Variants in VWA8 observed in about 807,000 individuals in gnomAD.
The protein encoded by VWA8 is von Willebrand factor A domain containing 8, also known as von Willebrand factor A domain-containing protein 8.
VWA8 carries 221 observed loss-of-function variants against 241.5 expected under a neutral mutation model. The observed-to-expected ratio is 0.91, with a 90% CI of 0.82 to 1.02. The LOEUF (loss-of-function observed/expected upper bound fraction) is 1.02. Among genes scored for constraint, VWA8 ranks in the 50% least tolerant of loss-of-function variants. VWA8 has a pLI of 0.00. For missense variants in VWA8, 2,322 were observed against 2,328.7 expected, an observed-to-expected ratio of 1.00 and a Z score of 0.06; for synonymous variants, 852 against 827.1, an observed-to-expected ratio of 1.03 and a Z score of -0.52.
intron 43 of VWA8, among the ~76,000 whole-genome samples, chr13:41,571,225 C>T (rs574770395): frequency 6.6e-5 from 10 of 151,984 alleles, no homozygotes; most frequent in African/African-American, 9.7e-5. Flanking sequence ...ACTCTAAAAG[C>T]GGTCATTCTG....
At chr13:41,645,126 C>A (rs2044822446) in intron 37 of VWA8, among the ~76,000 whole-genome samples, 1 of 152,178 alleles carries the variant, frequency 6.6e-6, no homozygotes, top group African/African-American at 2.4e-5. Flanking sequence ...GTAATGGCAC[C>A]TACCTCATAG....
In VWA8 at chr13:41,811,298, G is replaced by T. The variant is rs757480126; in HGVS notation, c.1990C>A (p.Arg664=). 2.5e-6 allele frequency: 4 copies of T among 1,610,564 alleles called. No homozygotes were observed. The highest frequency in any genetic ancestry group is 3.4e-6 in the Non-Finnish European group (4 of 1,177,530). ...TACTGTGACAGCCGACGAGAAATTC[G>T]CAACAGTTGTCTGGTAGAAAGTGAT... ...AASLSTRQLL[R]ISRRLSQYPN... The change falls in exon 17 of 45, where the codon CGA becomes AGA. Residue 664 remains arginine (R), a synonymous_variant. Transcript: ENST00000379310.
intron 4 of VWA8, among the ~76,000 whole-genome samples, chr13:41,896,142 T>A (rs1180026141): frequency 1.3e-5 from 2 of 152,052 alleles, no homozygotes; most frequent in Non-Finnish European, 2.9e-5. Context: ...AACAAGAAAC[T>A]CTTGTAAATG....
At chr13:41,570,437 GC>G in intron 44 of VWA8, 30 bp downstream of exon 44, 1 of 1,583,050 alleles carries the variant, frequency 6.3e-7, no homozygotes, top group Non-Finnish European at 8.7e-7. Context: ...CTCTGTACCT[GC>G]CCTTTTCTGT....
At chr13:41,881,980 G>A (rs1403424346) in intron 9 of VWA8, among the ~76,000 whole-genome samples, 1 of 151,242 alleles carries the variant, frequency 6.6e-6, no homozygotes, top group African/African-American at 2.4e-5. Context: ...GGTGACTGCC[G>A]GGACGGAGGG....
intron 37 of VWA8, among the ~76,000 whole-genome samples, chr13:41,626,321 A>T (rs1289717383): frequency 6.6e-6 from 1 of 152,296 alleles, no homozygotes; most frequent in East Asian, 1.9e-4. Flanking sequence ...AAGACTCAAC[A>T]TTGTTAAAAT....
intron 21 of VWA8, among the ~76,000 whole-genome samples, chr13:41,755,577 A>G (rs571392677): frequency 6.6e-6 from 1 of 152,138 alleles, no homozygotes; most frequent in African/African-American, 2.4e-5. Flanking sequence ...GAATTACTAT[A>G]GAATATAAAT....
chr13:41,734,818 CA>C (rs2045512756), intron 21 of VWA8, among the ~76,000 whole-genome samples: 1 of 152,078 alleles, frequency 6.6e-6, no homozygotes, highest in Non-Finnish European at 1.5e-5. Context: ...CTCTAAAAAA[CA>C]AATTAAATTG....
chr13:41,868,132 A>G (rs1221021198), intron 10 of VWA8, among the ~76,000 whole-genome samples: 1 of 152,156 alleles, frequency 6.6e-6, no homozygotes, highest in Non-Finnish European at 1.5e-5. Context: ...CCACAGGTCA[A>G]CTTTGAATTT....
chr13:41,938,633 AGAGT>A (rs1271880829), intron 2 of VWA8, among the ~76,000 whole-genome samples: 1 of 151,618 alleles, frequency 6.6e-6, no homozygotes, highest in Non-Finnish European at 1.5e-5. Flanking sequence ...CCTGAGTGAC[AGAGT>A]GAGACTGCGT....
intron 21 of VWA8, among the ~76,000 whole-genome samples, chr13:41,749,913 T>C (rs929353079): frequency 5.9e-5 from 9 of 151,532 alleles, no homozygotes; most frequent in Non-Finnish European, 1.2e-4. Context: ...TTAGGAGATA[T>C]ACCTAATGTA....
intron 17 of VWA8, among the ~76,000 whole-genome samples, chr13:41,793,819 AAAAT>A (rs941315361): frequency 3.9e-5 from 6 of 152,240 alleles, no homozygotes; most frequent in African/African-American, 1.2e-4. Flanking sequence ...CATCTCAAAA[AAAAT>A]AAATAAATAA....
At chr13:41,590,827 T>A (rs2139647459) in intron 40 of VWA8, 62 bp from the exon 41 acceptor site, 1 of 1,584,960 alleles carries the variant, frequency 6.3e-7, no homozygotes, top group South Asian at 1.1e-5. Flanking sequence ...TCTGACATAC[T>A]TTGTGCATGA....
chr13:41,571,638 G>A (rs1174647488), intron 43 of VWA8, among the ~76,000 whole-genome samples: 1 of 152,202 alleles, frequency 6.6e-6, no homozygotes, highest in African/African-American at 2.4e-5. Flanking sequence ...ACGGAGTCTC[G>A]CTCACTCAGT....
rs199938365 is a variant in VWA8 at position 41,909,054 on chromosome 13, ATTT to A, written c.373-1361_373-1359del. Among the ~76,000 whole-genome samples the A allele has an allele frequency of 1.9e-3, 274 of 143,342 alleles. 2 individuals are homozygous for A. Among genetic ancestry groups the A allele is most frequent in the African/African-American group, 6.2e-3 (241 of 39,172 alleles). 94.0% of individuals were successfully genotyped at this position (143,342 alleles called of 152,430 possible). ...TTTATGTACGTAAAGGAGGAAAAAA[ATTT>A]TTTTTTTTTTTTTTTGAGATAGTCT... is the stretch of plus-strand genomic sequence containing the variant. On this transcript the variant is annotated intron_variant, in intron 3 of 44. Coordinates refer to ENST00000379310, the MANE Select transcript of VWA8 (RefSeq NM_015058.2).
chr13:41,832,429 T>C (rs1871513100), intron 13 of VWA8, among the ~76,000 whole-genome samples: 1 of 152,178 alleles, frequency 6.6e-6, no homozygotes, highest in Non-Finnish European at 1.5e-5. Context: ...GAGAAAAAAA[T>C]ATTGTAAATC....
chr13:41,946,664 A>G (rs530524951), intron 2 of VWA8, among the ~76,000 whole-genome samples: 1 of 151,982 alleles, frequency 6.6e-6, no homozygotes, highest in Non-Finnish European at 1.5e-5. Flanking sequence ...AAAAAAAAAA[A>G]AAGAGTAGTA....
At chr13:41,634,909 A>T (rs1049383146) in intron 37 of VWA8, among the ~76,000 whole-genome samples, 2 of 152,146 alleles carry the variant, frequency 1.3e-5, no homozygotes, top group African/African-American at 4.8e-5. Context: ...AAGTTAAGAA[A>T]ATTTTTTTGA....
At chr13:41,633,927 A>T (rs1353266298) in intron 37 of VWA8, among the ~76,000 whole-genome samples, 5 of 152,076 alleles carry the variant, frequency 3.3e-5, no homozygotes, top group Non-Finnish European at 4.4e-5. Flanking sequence ...CCATTCCAAC[A>T]AGTTCCCCTG....
Sources: allele counts gnomAD v4.1 joint callset (sites outside exome capture counted in the v4.1 genomes callset), GRCh38; gene constraint gnomAD v4.1.1; transcripts MANE v1.5; gene names NCBI Gene and HGNC (gene_info 2026-07-23, HGNC 2026-07-21).